EXOC4: variants seen among roughly 807,000 people sequenced by gnomAD.
EXOC4 encodes the protein exocyst complex component 4.
Under a neutral mutation model 107.2 loss-of-function variants are expected in EXOC4, and 71 were observed. The ratio of observed to expected loss-of-function variants is 0.66; its 90% confidence interval spans 0.55 to 0.81. The LOEUF (loss-of-function observed/expected upper bound fraction) is 0.81. Ranked by LOEUF, EXOC4 falls within the 30% of genes least tolerant of loss-of-function variation. The probability of loss-of-function intolerance (pLI) is 0.00; values close to 1 mark genes in which losing one functional copy is unlikely to be tolerated. For synonymous variants in EXOC4, 456 were observed against 441.2 expected (o/e 1.03, Z -0.42); for missense variants, 1,108 against 1,189.6 (o/e 0.93, Z 1.01).
chr7:134,001,091 G>A (rs1477114215), intron 15 of EXOC4, among the ~76,000 whole-genome samples: 1 of 152,104 alleles, frequency 6.6e-6, no homozygotes, highest in African/African-American at 2.4e-5. Context: ...ACAGTTTGAA[G>A]CATAAAGCAA....
chr7:133,848,190 A>G (rs1230840428), intron 11 of EXOC4, among the ~76,000 whole-genome samples: 1 of 152,204 alleles, frequency 6.6e-6, no homozygotes, highest in Non-Finnish European at 1.5e-5. Context: ...CCCCAGCAAC[A>G]GATCACCTAG....
chr7:133,547,398 C>T (rs897663867), intron 9 of EXOC4, among the ~76,000 whole-genome samples: 8 of 152,066 alleles, frequency 5.3e-5, no homozygotes, highest in Admixed American at 2.6e-4. Flanking sequence ...GCTAACTGAT[C>T]GGGATGGTGG....
intron 14 of EXOC4, among the ~76,000 whole-genome samples, chr7:133,955,246 A>G (rs1800786518): frequency 6.6e-6 from 1 of 152,226 alleles, no homozygotes; most frequent in Non-Finnish European, 1.5e-5. Flanking sequence ...TTATTGAGCA[A>G]CAAAACAGCT....
intron 10 of EXOC4, among the ~76,000 whole-genome samples, chr7:133,669,142 G>A (rs985237270): frequency 6.6e-6 from 1 of 151,474 alleles, no homozygotes; most frequent in Non-Finnish European, 1.5e-5. Context: ...ACCACTACCA[G>A]CACACCAATA....
intron 7 of EXOC4, among the ~76,000 whole-genome samples, chr7:133,458,098 A>G (rs528677769): frequency 6.6e-6 from 1 of 152,344 alleles, no homozygotes; most frequent in South Asian, 2.1e-4. Flanking sequence ...TAGATATCAC[A>G]CTACAAATAT....
intron 9 of EXOC4, among the ~76,000 whole-genome samples, chr7:133,503,565 A>C (rs1299345894): frequency 6.6e-6 from 1 of 152,186 alleles, no homozygotes; most frequent in East Asian, 1.9e-4. Flanking sequence ...AAAAAGGAAG[A>C]AAACTGCCAG....
intron 9 of EXOC4, among the ~76,000 whole-genome samples, chr7:133,561,036 A>C (rs1227871829): frequency 6.6e-6 from 1 of 151,996 alleles, no homozygotes; most frequent in African/African-American, 2.4e-5. Context: ...TAGTCACAAG[A>C]TGACTGCTAC....
At position 133,475,345 on chromosome 7, in the gene EXOC4, C is replaced by T; in HGVS notation, c.1200C>T (p.Tyr400=). 6.2e-7 allele frequency: 1 copy of T among 1,613,036 alleles called. No homozygotes were observed. The highest frequency in any genetic ancestry group is 8.5e-7 in the Non-Finnish European group (1 of 1,179,160). ...TTGTACAGATGCTATTAACTGAGTA[C>T]TTGGATATGAAAAATACTCGTACGG... ...QDVLQMLLTE[Y]LDMKNTRTAS... is the part of the protein sequence containing the mutation. Residue 400 remains tyrosine, a synonymous_variant, in exon 8 of 18, where the codon TAC becomes TAT. Coordinates refer to ENST00000253861, the MANE Select transcript of EXOC4 (RefSeq NM_021807.4).
At chr7:133,785,133 C>T (rs914823132) in intron 10 of EXOC4, among the ~76,000 whole-genome samples, 4 of 152,144 alleles carry the variant, frequency 2.6e-5, no homozygotes, top group Non-Finnish European at 2.9e-5. Flanking sequence ...TAGCAAAAGG[C>T]GTCTGGAGAA....
intron 14 of EXOC4, among the ~76,000 whole-genome samples, chr7:133,987,926 A>G (rs1242472596): frequency 6.6e-6 from 1 of 152,218 alleles, no homozygotes; most frequent in African/African-American, 2.4e-5. Flanking sequence ...CTGGGTCTGA[A>G]TGAGTCCAAT....
At chr7:134,057,964 A>G (rs1358636869) in intron 17 of EXOC4, among the ~76,000 whole-genome samples, 3 of 152,186 alleles carry the variant, frequency 2.0e-5, no homozygotes. Flanking sequence ...GATCTCTTAA[A>G]TATTTACCTC....
rs376889726 is a variant in EXOC4 at position 133,770,878 on chromosome 7, TAC to T, written c.1515-46445_1515-46444del. Reference sequence around the variant, plus strand: ...AAGCTCTCCTGGCATTGTTGCATAATACATAGTAAATGCCCTGAAAACCTTTC... The same window carrying T: ...AAGCTCTCCTGGCATTGTTGCATAATATAGTAAATGCCCTGAAAACCTTTC... On this transcript the variant is annotated intron_variant, in intron 10 of 17. Transcript: ENST00000253861. Among the ~76,000 whole-genome samples, 22 of 152,100 alleles carry T rather than the reference TAC, an allele frequency of 1.4e-4. 1 individual carries two copies. Among genetic ancestry groups the T allele is most frequent in the African/African-American group, 5.1e-4 (21 of 41,538 alleles).
intron 8 of EXOC4, 102 bp from the exon 9 acceptor site, chr7:133,479,948 G>A: frequency 2.1e-6 from 2 of 953,742 alleles, no homozygotes; most frequent in South Asian, 1.4e-5. Flanking sequence ...GGAACATCGG[G>A]GAGCACCACA....
chr7:133,259,467 T>C (rs551166995), intron 1 of EXOC4, among the ~76,000 whole-genome samples: 2 of 152,210 alleles, frequency 1.3e-5, no homozygotes, highest in African/African-American at 4.8e-5. Context: ...CCTTAGGTGA[T>C]TGGCCTGCCT....
intron 3 of EXOC4, among the ~76,000 whole-genome samples, chr7:133,299,348 C>G (rs1159637986): frequency 1.3e-5 from 2 of 151,990 alleles, no homozygotes; most frequent in Non-Finnish European, 2.9e-5. Flanking sequence ...TACTGCCGTT[C>G]TGTGAGGCTC....
intron 2 of EXOC4, among the ~76,000 whole-genome samples, chr7:133,280,608 A>G (rs1284166114): frequency 3.3e-5 from 5 of 152,196 alleles, no homozygotes; most frequent in African/African-American, 1.2e-4. Flanking sequence ...TTGGTGCTAG[A>G]TCAAGCTCTG....
At chr7:133,438,166 T>C (rs528513900) in intron 7 of EXOC4, among the ~76,000 whole-genome samples, 3 of 152,214 alleles carry the variant, frequency 2.0e-5, no homozygotes, top group Non-Finnish European at 4.4e-5. Flanking sequence ...TAGGTGTTTC[T>C]TGTTCATTAT....
intron 17 of EXOC4, among the ~76,000 whole-genome samples, chr7:134,034,316 A>G (rs899855146): frequency 2.6e-5 from 4 of 152,240 alleles, no homozygotes; most frequent in African/African-American, 9.6e-5. Context: ...AAAAGCAACT[A>G]TACAGGAAAT....
the EXOC4 span, among the ~76,000 whole-genome samples, chr7:134,079,469 T>A: frequency 6.6e-6 from 1 of 152,124 alleles, no homozygotes; most frequent in Non-Finnish European, 1.5e-5. Flanking sequence ...CCACCACATG[T>A]CTTGAACAAT....
Sources: gnomAD v4.1 joint callset for allele counts (sites outside exome capture counted in the v4.1 genomes callset) on GRCh38, gnomAD v4.1.1 for gene constraint, MANE v1.5 for transcripts, NCBI Gene and HGNC (gene_info 2026-07-23, HGNC 2026-07-21) for gene names.